TTLL5: variants seen among roughly 807,000 people sequenced by gnomAD.
The protein encoded by TTLL5 is tubulin tyrosine ligase like 5, also known as tubulin polyglutamylase TTLL5.
A neutral mutation model predicts 168.4 loss-of-function variants in TTLL5; 132 were observed. That is an observed-to-expected ratio of 0.78 (90% CI 0.68 to 0.91). TTLL5 has a LOEUF of 0.91. Among genes scored for constraint, TTLL5 ranks in the 40% least tolerant of loss-of-function variants. The probability of loss-of-function intolerance (pLI) is 0.00; values close to 1 mark genes in which losing one functional copy is unlikely to be tolerated. For missense variants in TTLL5, 1,545 were observed against 1,581.5 expected, an observed-to-expected ratio of 0.98 and a Z score of 0.39; for synonymous variants, 546 against 558.6, an observed-to-expected ratio of 0.98 and a Z score of 0.32.
At chr14:75,755,840 C>T (rs946709898) in intron 18 of TTLL5, among the ~76,000 whole-genome samples, 1 of 152,114 alleles carries the variant, frequency 6.6e-6, no homozygotes, top group Admixed American at 6.5e-5. Context: ...CTACTCATTT[C>T]TTTTAGGTTA....
intron 31 of TTLL5, among the ~76,000 whole-genome samples, chr14:75,912,743 C>T (rs2033442215): frequency 6.6e-6 from 1 of 152,084 alleles, no homozygotes; most frequent in Non-Finnish European, 1.5e-5. Flanking sequence ...ATACAAGACA[C>T]CTAATAAAGT....
intron 31 of TTLL5, among the ~76,000 whole-genome samples, chr14:75,910,238 C>T (rs1474554043): frequency 6.6e-6 from 1 of 152,134 alleles, no homozygotes; most frequent in Non-Finnish European, 1.5e-5. Context: ...AGTACAGTGG[C>T]CCCTTTCTCA....
At chr14:75,688,506 G>A (rs962442620) in intron 5 of TTLL5, among the ~76,000 whole-genome samples, 1 of 152,264 alleles carries the variant, frequency 6.6e-6, no homozygotes, top group Non-Finnish European at 1.5e-5. Flanking sequence ...AGTTCTGTGA[G>A]CTGCTCTAAC....
chr14:75,881,234 T>C (rs912067353), intron 29 of TTLL5, among the ~76,000 whole-genome samples: 3 of 152,190 alleles, frequency 2.0e-5, no homozygotes, highest in African/African-American at 7.2e-5. Context: ...TCCTCTTCTG[T>C]GGATCAGAGA....
chr14:75,749,131 A>C (rs547728456), intron 17 of TTLL5, among the ~76,000 whole-genome samples: 18 of 152,258 alleles, frequency 1.2e-4, no homozygotes, highest in Middle Eastern at 3.4e-3. Context: ...TTTTCTTGAA[A>C]ATTATATATA....
At chr14:75,771,879 T>C in intron 21 of TTLL5, 25 bp downstream of exon 21, 5 of 1,586,476 alleles carry the variant, frequency 3.2e-6, no homozygotes, top group Non-Finnish European at 4.3e-6. Flanking sequence ...ACTGAAACCT[T>C]TTTACTTTCC....
In TTLL5 at chr14:75,887,219, C is replaced by T. The variant is rs889715722; in HGVS notation, c.3740+4317C>T. ...CAAATCCCAATTAATGTTACCTGAA[C>T]ATGTGGTGAGGTCAGCCGTATGATG... On this transcript the variant is annotated intron_variant, in intron 30 of 31. Coordinates refer to ENST00000298832, the MANE Select transcript of TTLL5 (RefSeq NM_015072.5). The T allele has an allele frequency of 1.7e-5, 17 of 991,440 alleles. No homozygotes were observed. The South Asian group carries it at 4.7e-4, about 27-fold the overall frequency. 61.4% of individuals were successfully genotyped at this position (991,440 alleles called of 1,614,324 possible). A position where few individuals can be genotyped will look rare whatever the true frequency, so the allele number is the denominator to read the frequency against.
chr14:75,677,725 C>T (rs772494348), intron 3 of TTLL5, among the ~76,000 whole-genome samples: 1 of 151,778 alleles, frequency 6.6e-6, no homozygotes, highest in Non-Finnish European at 1.5e-5. Flanking sequence ...TCAAGCAGTC[C>T]TCTTACCTCA....
intron 29 of TTLL5, among the ~76,000 whole-genome samples, chr14:75,877,636 T>C (rs1486963111): frequency 6.6e-6 from 1 of 152,238 alleles, no homozygotes; most frequent in Admixed American, 6.5e-5. Context: ...CCCAGGACAT[T>C]GACTAATGAT....
chr14:75,915,491 G>T (rs1225736434), intron 31 of TTLL5, among the ~76,000 whole-genome samples: 7 of 152,202 alleles, frequency 4.6e-5, no homozygotes, highest in Non-Finnish European at 1.0e-4. Context: ...AGGGTGGAAA[G>T]ATCATAACTG....
chr14:75,895,901 C>T (rs183690192), intron 30 of TTLL5, among the ~76,000 whole-genome samples: 1,883 of 152,218 alleles, frequency 0.012, 15 homozygotes, highest in South Asian at 0.025. Flanking sequence ...TCATTAAATA[C>T]TTGTTGAAGG....
chr14:75,772,103 A>G (rs1021146835), intron 21 of TTLL5, among the ~76,000 whole-genome samples: 2 of 152,188 alleles, frequency 1.3e-5, no homozygotes, highest in Non-Finnish European at 2.9e-5. Context: ...GAAGGCATCA[A>G]TGTATTTCAT....
At chr14:75,667,203 TATCTGTTG>T (rs1883326727) in intron 2 of TTLL5, among the ~76,000 whole-genome samples, 1 of 152,232 alleles carries the variant, frequency 6.6e-6, no homozygotes, top group Admixed American at 6.5e-5. Flanking sequence ...CTCAGCTGTG[TATCTGTTG>T]ATTGTGCTCC....
chr14:75,667,257 A>G (rs1403409049), intron 2 of TTLL5, among the ~76,000 whole-genome samples: 3 of 152,226 alleles, frequency 2.0e-5, no homozygotes, highest in African/African-American at 7.2e-5. Context: ...GCAGCAATCC[A>G]TTGTTTATAA....
intron 9 of TTLL5, among the ~76,000 whole-genome samples, chr14:75,708,547 G>T (rs1051260637): frequency 2.6e-5 from 4 of 151,846 alleles, no homozygotes; most frequent in African/African-American, 9.7e-5. Context: ...GGATGGTCTC[G>T]ATCTCCTGAC....
intron 31 of TTLL5, among the ~76,000 whole-genome samples, chr14:75,909,085 G>A (rs1423669267): frequency 6.6e-6 from 1 of 151,786 alleles, no homozygotes; most frequent in Admixed American, 6.6e-5. Context: ...GCCATTTTCT[G>A]TATTCTTAGT....
intron 5 of TTLL5, 90 bp from the exon 6 acceptor site, chr14:75,690,102 G>T: frequency 7.1e-7 from 1 of 1,417,188 alleles, no homozygotes; most frequent in Non-Finnish European, 9.9e-7. Context: ...ACCGGTCTAG[G>T]ACTGTGAACT....
intron 30 of TTLL5, chr14:75,887,344 T>C: frequency 1.0e-6 from 1 of 984,316 alleles, no homozygotes; most frequent in Non-Finnish European, 1.2e-6. Context: ...AGTGAGAAGA[T>C]TTAAGGGCAA....
intron 1 of TTLL5, 104 bp from the exon 2 acceptor site, chr14:75,662,951 G>A: frequency 1.5e-6 from 1 of 676,344 alleles, no homozygotes; most frequent in Non-Finnish European, 2.7e-6. Flanking sequence ...GCACTGTTTA[G>A]GAATATAGTC....
Sources: allele counts gnomAD v4.1 joint callset (sites outside exome capture counted in the v4.1 genomes callset), GRCh38; gene constraint gnomAD v4.1.1; transcripts MANE v1.5; gene names NCBI Gene and HGNC (gene_info 2026-07-23, HGNC 2026-07-21).